CDH18: variants seen among roughly 807,000 people sequenced by gnomAD.
CDH18 encodes cadherin-18.
In CDH18, 31 loss-of-function variants were observed where a neutral mutation model predicts 67.9. The observed-to-expected ratio is 0.46, with a 90% CI of 0.34 to 0.62. The LOEUF is 0.62. Among genes scored for constraint, CDH18 ranks in the 20% least tolerant of loss-of-function variants. The pLI is 0.01. For missense variants in CDH18, 890 were observed against 975.5 expected (o/e 0.91, Z 1.17); for synonymous variants, 362 against 347.2 (o/e 1.04, Z -0.48).
intron 1 of CDH18, among the ~76,000 whole-genome samples, chr5:20,306,512 T>G (rs1736474529): frequency 8.3e-6 from 1 of 120,480 alleles, no homozygotes; most frequent in African/African-American, 2.5e-5. Context: ...CGATAGGATT[T>G]GCCTCAACAA....
rs1018912048 is a variant in CDH18 at position 19,472,394 on chromosome 5, G to A, written c.*832C>T. 6.6e-6 allele frequency among the ~76,000 whole-genome samples: 1 copy of A among 152,110 alleles called. No individual in the cohort carries two copies. The highest frequency in any genetic ancestry group is 2.4e-5 in the African/African-American group (1 of 41,430). ...GGAAAAAAAAAGTTCCCCAACATTT[G>A]GTAGAAGATAAGGTGTGTGGCTATT... On this transcript the variant is annotated 3_prime_UTR_variant, in exon 13 of 13. Coordinates refer to ENST00000382275, the MANE Select transcript of CDH18 (RefSeq NM_004934.5).
At chr5:19,640,003 C>T (rs1179676679) in intron 5 of CDH18, among the ~76,000 whole-genome samples, 2 of 152,140 alleles carry the variant, frequency 1.3e-5, no homozygotes, top group African/African-American at 4.8e-5. Flanking sequence ...TACCATTCAA[C>T]ATACTATACC....
intron 2 of CDH18, among the ~76,000 whole-genome samples, chr5:19,913,629 A>G (rs1313181099): frequency 6.6e-6 from 1 of 152,158 alleles, no homozygotes; most frequent in African/African-American, 2.4e-5. Flanking sequence ...CTATAAGAAT[A>G]GAAAGTGGTT....
chr5:20,446,155 C>T (rs1002182944), intron 1 of CDH18, among the ~76,000 whole-genome samples: 3 of 152,048 alleles, frequency 2.0e-5, no homozygotes, highest in East Asian at 1.9e-4. Flanking sequence ...AGGGTCAACT[C>T]GAAGATACAG....
At chr5:19,515,007 T>G (rs1389140304) in intron 10 of CDH18, among the ~76,000 whole-genome samples, 6 of 152,268 alleles carry the variant, frequency 3.9e-5, no homozygotes, top group African/African-American at 1.4e-4. Context: ...TTAATCCATC[T>G]CGAATTAATA....
At chr5:19,489,946 AAT>A (rs1302290180) in intron 11 of CDH18, among the ~76,000 whole-genome samples, 1 of 79,002 alleles carries the variant, frequency 1.3e-5, no homozygotes, top group Non-Finnish European at 2.7e-5. Flanking sequence ...ATACAACTAT[AAT>A]ATAATAACTG....
intron 2 of CDH18, among the ~76,000 whole-genome samples, chr5:20,098,961 C>G (rs1746224676): frequency 6.6e-6 from 1 of 152,060 alleles, no homozygotes; most frequent in South Asian, 2.1e-4. Context: ...CCAAGGCAGA[C>G]AGTATCCAAG....
chr5:19,614,833 T>C (rs1328595754), intron 5 of CDH18, among the ~76,000 whole-genome samples: 2 of 152,064 alleles, frequency 1.3e-5, no homozygotes, highest in African/African-American at 2.4e-5. Flanking sequence ...TCTGAAAGGA[T>C]TGTCTCGGGA....
At chr5:20,175,136 T>C (rs755112502) in intron 2 of CDH18, among the ~76,000 whole-genome samples, 2 of 151,720 alleles carry the variant, frequency 1.3e-5, no homozygotes, top group African/African-American at 2.4e-5. Context: ...GGAGGAAGTG[T>C]AATGCCAACA....
chr5:20,458,445 C>G (rs1750992896), intron 1 of CDH18, among the ~76,000 whole-genome samples: 1 of 152,046 alleles, frequency 6.6e-6, no homozygotes, highest in Non-Finnish European at 1.5e-5. Flanking sequence ...TGGTGAGATC[C>G]TGTCTCTAGT....
intron 2 of CDH18, among the ~76,000 whole-genome samples, chr5:19,939,808 A>G (rs1384970630): frequency 6.6e-6 from 1 of 151,886 alleles, no homozygotes; most frequent in Non-Finnish European, 1.5e-5. Flanking sequence ...TCATAATACC[A>G]TAAAATTTTC....
intron 5 of CDH18, among the ~76,000 whole-genome samples, chr5:19,666,255 ATTATTATTATT>A (rs1757921648): frequency 6.9e-6 from 1 of 145,040 alleles, no homozygotes; most frequent in Non-Finnish European, 1.5e-5. Flanking sequence ...TATTATTATT[ATTATTATTATT>A]ATTATTATTA....
chr5:20,280,480 A>G, intron 1 of CDH18, among the ~76,000 whole-genome samples: 1 of 152,118 alleles, frequency 6.6e-6, no homozygotes, highest in Non-Finnish European at 1.5e-5. Context: ...CCCTTGCGAT[A>G]GTTTGCTGAG....
chr5:20,513,161 T>A (rs779544355), intron 1 of CDH18, among the ~76,000 whole-genome samples: 2 of 152,180 alleles, frequency 1.3e-5, no homozygotes, highest in Non-Finnish European at 2.9e-5. Context: ...AAACTAGTCT[T>A]CCTTTTTCAG....
chr5:20,305,848 G>A, intron 1 of CDH18: 1 of 211,010 alleles, frequency 4.7e-6, no homozygotes, highest in South Asian at 8.4e-5. Context: ...GAACTGGGTT[G>A]AACACACAAA....
chr5:19,981,136 G>C lies in CDH18; in HGVS notation c.-333C>G, dbSNP rs1026509634. 1 of 152,162 alleles carries C rather than the reference G, an allele frequency of 6.6e-6. No individual in the cohort carries two copies. The highest frequency in any genetic ancestry group is 2.4e-5 in the African/African-American group (1 of 41,450). The allele number at this position is 152,162 out of a possible 1,614,324, so 9.4% of individuals were successfully genotyped here. Reference sequence around the variant, plus strand: ...TCCCCAGAATTCTTGGGATAGATCTGTAACTGGCTCCCTGTTTCTGTTCTT... The same window carrying C: ...TCCCCAGAATTCTTGGGATAGATCTCTAACTGGCTCCCTGTTTCTGTTCTT... On this transcript the variant is annotated 5_prime_UTR_variant, in exon 2 of 13. Transcript: ENST00000382275.
chr5:20,166,118 C>T (rs1412357154), intron 2 of CDH18, among the ~76,000 whole-genome samples: 1 of 151,936 alleles, frequency 6.6e-6, no homozygotes, highest in Non-Finnish European at 1.5e-5. Flanking sequence ...TATTATACTC[C>T]TTTACTTTAA....
intron 2 of CDH18, among the ~76,000 whole-genome samples, chr5:20,065,887 T>C (rs1002705259): frequency 1.2e-4 from 18 of 151,984 alleles, no homozygotes; most frequent in African/African-American, 4.1e-4. Context: ...TTTAATATCA[T>C]AAAGGCAATC....
chr5:20,053,930 T>C (rs538139191), intron 2 of CDH18, among the ~76,000 whole-genome samples: 1 of 152,246 alleles, frequency 6.6e-6, no homozygotes, highest in South Asian at 2.1e-4. Flanking sequence ...CCAATGTTCC[T>C]GTGGAACCCT....
Sources: gnomAD v4.1 joint callset for allele counts (sites outside exome capture counted in the v4.1 genomes callset) on GRCh38, gnomAD v4.1.1 for gene constraint, MANE v1.5 for transcripts, NCBI Gene and HGNC (gene_info 2026-07-23, HGNC 2026-07-21) for gene names.